Variants in GLIS3 observed in about 807,000 individuals in gnomAD.
The protein encoded by GLIS3 is GLIS family zinc finger 3.
Under a neutral mutation model 78.6 loss-of-function variants are expected in GLIS3, and 53 were observed. The observed-to-expected ratio is 0.67, with a 90% confidence interval of 0.54 to 0.85. The LOEUF is 0.85. Ranked by LOEUF, GLIS3 falls within the 40% of genes least tolerant of loss-of-function variation. The probability of loss-of-function intolerance (pLI) is 0.00; values close to 1 mark genes in which losing one functional copy is unlikely to be tolerated. For missense variants in GLIS3, 1,703 were observed against 1,231.1 expected, an observed-to-expected ratio of 1.38 and a Z score of -5.74; for synonymous variants, 684 against 509.9, an observed-to-expected ratio of 1.34 and a Z score of -4.60.
At chr9:4,195,539 G>A (rs1291480931) in intron 2 of GLIS3, among the ~76,000 whole-genome samples, 1 of 152,260 alleles carries the variant, frequency 6.6e-6, no homozygotes, top group Non-Finnish European at 1.5e-5. Context: ...TCCCCATGGG[G>A]CAGGGCTCGG....
At chr9:3,855,740 T>C (rs1020065416) in intron 9 of GLIS3, 10 of 450,748 alleles carry the variant, frequency 2.2e-5, no homozygotes, top group South Asian at 6.3e-5. Flanking sequence ...CAGGATGCTA[T>C]TGCTGGTGTT....
chr9:4,256,879 T>A (rs1824995161), intron 2 of GLIS3, among the ~76,000 whole-genome samples: 1 of 152,232 alleles, frequency 6.6e-6, no homozygotes, highest in Non-Finnish European at 1.5e-5. Flanking sequence ...CACTGTCTTG[T>A]AAAGATATCT....
intron 2 of GLIS3, among the ~76,000 whole-genome samples, chr9:4,133,243 C>T (rs1293808794): frequency 6.6e-6 from 1 of 152,092 alleles, no homozygotes; most frequent in East Asian, 1.9e-4. Flanking sequence ...ATAATATAAT[C>T]ATTGAATTCA....
chr9:4,223,045 T>C (rs961091126), intron 2 of GLIS3, among the ~76,000 whole-genome samples: 2 of 152,170 alleles, frequency 1.3e-5, no homozygotes, highest in African/African-American at 4.8e-5. Context: ...AAGAGAAAGA[T>C]CACTTTTTGA....
intron 4 of GLIS3, among the ~76,000 whole-genome samples, chr9:3,973,924 T>C (rs1185246675): frequency 1.3e-5 from 2 of 152,198 alleles, no homozygotes; most frequent in South Asian, 4.1e-4. Flanking sequence ...AATTTTTTAT[T>C]GTAATCTCAA....
intron 4 of GLIS3, among the ~76,000 whole-genome samples, chr9:4,018,841 T>C (rs1822641240): frequency 6.6e-6 from 1 of 152,160 alleles, no homozygotes; most frequent in African/African-American, 2.4e-5. Context: ...ATGAGACCAG[T>C]TTTCCCTGAC....
At chr9:4,243,293 G>C (rs1487183550) in intron 2 of GLIS3, among the ~76,000 whole-genome samples, 1 of 152,178 alleles carries the variant, frequency 6.6e-6, no homozygotes, top group Non-Finnish European at 1.5e-5. Context: ...GGATCAGTCA[G>C]AGTGATTGAG....
the GLIS3 span, among the ~76,000 whole-genome samples, chr9:4,458,569 C>A: frequency 6.6e-6 from 1 of 152,160 alleles, no homozygotes; most frequent in Non-Finnish European, 1.5e-5. Context: ...GCAGGCAGGT[C>A]ATGAGGTTAG....
chr9:4,277,038 AT>A (rs1827094787), intron 2 of GLIS3, among the ~76,000 whole-genome samples: 1 of 152,228 alleles, frequency 6.6e-6, no homozygotes, highest in Non-Finnish European at 1.5e-5. Flanking sequence ...TGAAAAAAAA[AT>A]AACCACGGAT....
chr9:4,100,828 G>T (rs1359449656), intron 4 of GLIS3, among the ~76,000 whole-genome samples: 1 of 152,072 alleles, frequency 6.6e-6, no homozygotes, highest in Non-Finnish European at 1.5e-5. Flanking sequence ...ACTAACCCTG[G>T]GGTAGAAACT....
chr9:4,164,461 C>A (rs780952976), intron 2 of GLIS3, among the ~76,000 whole-genome samples: 5 of 152,142 alleles, frequency 3.3e-5, no homozygotes, highest in Admixed American at 2.0e-4. Context: ...TAAAGAGGGT[C>A]CATCCACCCT....
chr9:4,056,603 G>A (rs551033279), intron 4 of GLIS3, among the ~76,000 whole-genome samples: 2 of 152,068 alleles, frequency 1.3e-5, no homozygotes, highest in African/African-American at 2.4e-5. Flanking sequence ...AGAGAAAAAA[G>A]CAAAGGGAAG....
rs1351890111 is a variant in GLIS3 at position 3,826,654 on chromosome 9, T to A, written c.*1618A>T. 3 of 152,200 alleles carry A rather than the reference T, an allele frequency of 2.0e-5. No individual in the cohort carries two copies. Among genetic ancestry groups the A allele is most frequent in the Non-Finnish European group, 4.4e-5 (3 of 68,026 alleles). 9.4% of individuals were successfully genotyped at this position (152,200 alleles called of 1,614,324 possible). ...GAATGAACTCTGGAATCAGGTAGAA[T>A]ACTTCCGCTTGTGGGACTGTGGAGG... is the stretch of plus-strand genomic sequence containing the variant. On this transcript the variant is annotated 3_prime_UTR_variant, in exon 11 of 11. Transcript: ENST00000381971.
chr9:4,465,183 G>T, the GLIS3 span, among the ~76,000 whole-genome samples: 1 of 152,206 alleles, frequency 6.6e-6, no homozygotes, highest in Non-Finnish European at 1.5e-5. Flanking sequence ...TTCAGTTCAT[G>T]ACCAGAGAAA....
At chr9:4,134,755 G>A (rs954226320) in intron 2 of GLIS3, among the ~76,000 whole-genome samples, 2 of 152,180 alleles carry the variant, frequency 1.3e-5, no homozygotes, top group South Asian at 4.1e-4. Context: ...TTTAAAAAAG[G>A]AACTGTCTCT....
At chr9:4,136,557 G>A (rs145347526) in intron 2 of GLIS3, among the ~76,000 whole-genome samples, 33 of 152,290 alleles carry the variant, frequency 2.2e-4, no homozygotes, top group African/African-American at 7.2e-4. Flanking sequence ...AAGTACATTT[G>A]TTTAGGGAGG....
intron 2 of GLIS3, among the ~76,000 whole-genome samples, chr9:4,167,856 C>G (rs1012181345): frequency 3.3e-5 from 5 of 152,144 alleles, no homozygotes; most frequent in Non-Finnish European, 7.3e-5. Context: ...TGAGTGTTTC[C>G]TATTCCGAAG....
the GLIS3 span, among the ~76,000 whole-genome samples, chr9:4,458,433 G>T: frequency 6.6e-6 from 1 of 152,122 alleles, no homozygotes; most frequent in Admixed American, 6.5e-5. Context: ...CCAGCATAAA[G>T]TTAGGGAGTT....
intron 4 of GLIS3, among the ~76,000 whole-genome samples, chr9:4,016,935 G>A (rs528808299): frequency 6.6e-6 from 1 of 152,274 alleles, no homozygotes; most frequent in Admixed American, 6.5e-5. Flanking sequence ...CGCAGCCCAA[G>A]AGATTTTCTG....
Sources: gnomAD v4.1 joint callset for allele counts (sites outside exome capture counted in the v4.1 genomes callset) on GRCh38, gnomAD v4.1.1 for gene constraint, MANE v1.5 for transcripts, NCBI Gene and HGNC (gene_info 2026-07-23, HGNC 2026-07-21) for gene names.